EBF3: variants seen among roughly 807,000 people sequenced by gnomAD.
The protein encoded by EBF3 is EBF transcription factor 3.
EBF3 carries 18 observed loss-of-function variants against 77.1 expected under a neutral mutation model. That is an observed-to-expected ratio of 0.23 (90% CI 0.16 to 0.35). EBF3 has a LOEUF of 0.35. EBF3 is among the 10% of genes least tolerant of loss of function. The pLI, the probability that EBF3 is intolerant of heterozygous loss-of-function variation, is 1.00. For synonymous variants in EBF3, 350 were observed against 343.5 expected (o/e 1.02, Z -0.21); for missense variants, 558 against 860.0 (o/e 0.65, Z 4.39).
chr10:129,922,097 C>T (rs1856352756), intron 6 of EBF3, among the ~76,000 whole-genome samples: 1 of 152,210 alleles, frequency 6.6e-6, no homozygotes, highest in Admixed American at 6.5e-5. Flanking sequence ...TGAGGGGTGA[C>T]CAGGCTCATG....
At position 129,870,705 on chromosome 10, in the gene EBF3, G is replaced by A. The variant is rs1361271350; in HGVS notation, c.781+2747C>T. Among the ~76,000 whole-genome samples, 1 of 152,174 alleles carries A rather than the reference G, an allele frequency of 6.6e-6. No homozygotes were observed. Among genetic ancestry groups the A allele is most frequent in the Non-Finnish European group, 1.5e-5 (1 of 68,030 alleles). On this transcript the variant is annotated intron_variant, in intron 8 of 16. Coordinates refer to ENST00000440978, the MANE Select transcript of EBF3 (RefSeq NM_001375380.1). The surrounding 1 kb of genome is among the most constrained non-coding windows in gnomAD (Gnocchi z 4.4). Reference sequence around the variant, plus strand: ...GGGACTGGCTTATCCTGTGGCCAGGGAGCCCAATGGCTGGGATGAGCATGT... The same window carrying A: ...GGGACTGGCTTATCCTGTGGCCAGGAAGCCCAATGGCTGGGATGAGCATGT...
rs368944541 is a variant in EBF3 at position 129,947,789 on chromosome 10, C to T, written c.554+9469G>A. ...AAACATGACCTGCTACCTTGACAAGCTCAGGAGTGAAGGATTTCACTTCTA... is the reference window on the plus strand; with the variant it reads ...AAACATGACCTGCTACCTTGACAAGTTCAGGAGTGAAGGATTTCACTTCTA... On this transcript the variant is annotated intron_variant, in intron 6 of 16. Transcript: ENST00000440978. The surrounding 1 kb of genome is among the most constrained non-coding windows in gnomAD (Gnocchi z 4.5). 1.0e-3 allele frequency among the ~76,000 whole-genome samples: 156 copies of T among 151,582 alleles called. 4 individuals carry two copies. In the South Asian group the frequency reaches 0.022, roughly 21 times the overall value.
chr10:129,913,599 A>G (rs1171419131), intron 6 of EBF3, among the ~76,000 whole-genome samples: 1 of 152,248 alleles, frequency 6.6e-6, no homozygotes, highest in Non-Finnish European at 1.5e-5. Flanking sequence ...GCACCCCCAG[A>G]GCTATGGTTC....
intron 6 of EBF3, among the ~76,000 whole-genome samples, chr10:129,886,371 A>G (rs1853585470): frequency 6.6e-6 from 1 of 152,240 alleles, no homozygotes; most frequent in Non-Finnish European, 1.5e-5. Flanking sequence ...AATGAGGGGC[A>G]CATGTGTGCA....
chr10:129,880,352 GAC>G (rs1353051187), intron 6 of EBF3, among the ~76,000 whole-genome samples: 13 of 139,172 alleles, frequency 9.3e-5, no homozygotes, highest in South Asian at 4.3e-4. Flanking sequence ...CATGCCCACA[GAC>G]ACACATGCCC....
chr10:129,957,360 G>A, intron 5 of EBF3, 34 bp from the exon 6 acceptor site: 1 of 1,537,218 alleles, frequency 6.5e-7, no homozygotes, highest in Non-Finnish European at 8.8e-7. Flanking sequence ...GTTTTAATAT[G>A]CATTTCCCCC....
intron 3 of EBF3, 29 bp downstream of exon 3, chr10:129,962,913 G>A: frequency 6.2e-7 from 1 of 1,613,076 alleles, no homozygotes; most frequent in Non-Finnish European, 8.5e-7. Context: ...AGCCGCTGCA[G>A]GGGCGGCGAG....
At chr10:129,851,764 T>C (rs1850900398) in intron 10 of EBF3, among the ~76,000 whole-genome samples, 1 of 152,228 alleles carries the variant, frequency 6.6e-6, no homozygotes, top group African/African-American at 2.4e-5. Context: ...ATTACAAGGC[T>C]GTTGTATCAA....
At chr10:129,929,586 G>A (rs1856875507) in intron 6 of EBF3, among the ~76,000 whole-genome samples, 1 of 152,180 alleles carries the variant, frequency 6.6e-6, no homozygotes, top group Non-Finnish European at 1.5e-5. Context: ...AATAGAATTT[G>A]GAGCAAGGAC....
At position 129,905,411 on chromosome 10, in the gene EBF3, C is replaced by A. The variant is rs536232046; in HGVS notation, c.555-27562G>T. ...TTTTGGCTATATGAAGGAAAAAATT[C>A]TTTCTTATATTTTATATTATAAAAA... On this transcript the variant is annotated intron_variant, in intron 6 of 16. Transcript: ENST00000440978. Among the ~76,000 whole-genome samples, 9 of 149,612 alleles carry A rather than the reference C, an allele frequency of 6.0e-5. No homozygotes were observed. The East Asian group carries it at 9.6e-4, about 16-fold the overall frequency.
At chr10:129,962,048 A>C (rs771445339) in intron 4 of EBF3, 123 bp downstream of exon 4, 9 of 838,538 alleles carry the variant, frequency 1.1e-5, no homozygotes, top group Non-Finnish European at 1.8e-5. Context: ...TCTCATTAGC[A>C]TGTCAAGGAA....
chr10:129,963,866 G>A lies in EBF3; in HGVS notation c.-98C>T, dbSNP rs1412692017. Reference sequence around the variant, plus strand: ...GCAGGCGGCTGCCCTGGCCGCCCTCGCCCTGCTCGGCGCCTGCGGTCCGGC... The same window carrying A: ...GCAGGCGGCTGCCCTGGCCGCCCTCACCCTGCTCGGCGCCTGCGGTCCGGC... On this transcript the variant is annotated 5_prime_UTR_variant, in exon 1 of 17. Transcript: ENST00000440978. This position sits in a 1 kb window ranked among gnomAD's most constrained non-coding sequence, Gnocchi z 7.1. 4 of 1,275,690 alleles carry A rather than the reference G, an allele frequency of 3.1e-6. No homozygotes were observed. Among genetic ancestry groups the A allele is most frequent in the Non-Finnish European group, 3.0e-6 (3 of 1,004,202 alleles). 79.0% of individuals were successfully genotyped at this position (1,275,690 alleles called of 1,614,324 possible). A position where few individuals can be genotyped will look rare whatever the true frequency, so the allele number is the denominator to read the frequency against.
At chr10:129,876,345 G>A (rs1307495397) in intron 7 of EBF3, among the ~76,000 whole-genome samples, 4 of 152,218 alleles carry the variant, frequency 2.6e-5, no homozygotes, top group African/African-American at 9.6e-5. Context: ...TTCAGTCATT[G>A]GTGAGACAAA....
rs772614493 is a variant in EBF3 at position 129,840,996 on chromosome 10, C to T, written c.1409G>A (p.Arg470Gln). The T allele has an allele frequency of 6.2e-6, 10 of 1,604,082 alleles. No homozygotes were observed. The highest frequency in any genetic ancestry group is 2.2e-5 in the East Asian group (1 of 44,528). The change falls in exon 14 of 17, where the codon CGA becomes CAA. Residue 470 changes from arginine (R) to glutamine (Q), a missense_variant. Transcript: ENST00000440978. ...YSRNTSSVSP[R>Q]GYVPSSTPQQ... ...GGGAGTACTGCTGGGGACGTAGCCT[C>T]GCGGGGACACGCTGCTTGTATTGCG...
chr10:129,934,210 G>T (rs1857208226), intron 6 of EBF3, among the ~76,000 whole-genome samples: 1 of 151,740 alleles, frequency 6.6e-6, no homozygotes, highest in African/African-American at 2.4e-5. Context: ...TCCATTGCCT[G>T]AAGACATGCC....
At position 129,897,802 on chromosome 10, in the gene EBF3, G is replaced by A. The variant is rs564468650; in HGVS notation, c.555-19953C>T. On this transcript the variant is annotated intron_variant, in intron 6 of 16. Transcript: ENST00000440978. The surrounding 1 kb of genome is among the most constrained non-coding windows in gnomAD (Gnocchi z 4.6). The stretch of plus-strand genomic sequence containing the variant: ...CTTACTTTCCTACATTTATCGTGAC[G>A]GGGCCACTTGTGGGTATGCGAGTAC... Among the ~76,000 whole-genome samples the A allele has an allele frequency of 7.0e-4, 107 of 152,272 alleles. No homozygotes were observed. The highest frequency in any genetic ancestry group is 3.4e-3 in the Middle Eastern group (1 of 294).
rs530274212 is a variant in EBF3, at chr10:129,866,842, G to C, written c.1039+299C>G. Among the ~76,000 whole-genome samples, 16 of 152,310 alleles carry C rather than the reference G, an allele frequency of 1.1e-4. No individual in the cohort carries two copies. In the East Asian group the frequency reaches 3.1e-3, roughly 29 times the overall value. ...CAGCTGCCGCAGTGGTAGCTGGGTG[G>C]CTGTTGTTCCTAATGACTCCCCCTG... On this transcript the variant is annotated intron_variant, in intron 10 of 16. Coordinates refer to ENST00000440978, the MANE Select transcript of EBF3 (RefSeq NM_001375380.1).
rs546198240 is a variant in EBF3 at position 129,863,525 on chromosome 10, G to A, written c.1039+3616C>T. Among the ~76,000 whole-genome samples, 1 of 152,328 alleles carries A rather than the reference G, an allele frequency of 6.6e-6. No homozygotes were observed. The highest frequency in any genetic ancestry group is 1.9e-4 in the East Asian group (1 of 5,174). On this transcript the variant is annotated intron_variant, in intron 10 of 16. Transcript: ENST00000440978. The surrounding 1 kb of genome is among the most constrained non-coding windows in gnomAD (Gnocchi z 4.0). ...GCCTCTGGCGGGCGGCCCCTCCTCT[G>A]AGCACAGGTTCATTAGCCCTCCGCC...
In EBF3 at chr10:129,870,486, C is replaced by T. The variant is rs1852329761; in HGVS notation, c.782-2574G>A. On this transcript the variant is annotated intron_variant, in intron 8 of 16. Transcript: ENST00000440978. The surrounding 1 kb of genome is among the most constrained non-coding windows in gnomAD (Gnocchi z 4.4). Reference sequence around the variant, plus strand: ...TCCTGGTCTGCAGCTTTCAGCGTGGCCCACCCTCCTGGGGCCCCGAGCTGC... The same window carrying T: ...TCCTGGTCTGCAGCTTTCAGCGTGGTCCACCCTCCTGGGGCCCCGAGCTGC... Among the ~76,000 whole-genome samples, 2 of 152,014 alleles carry T rather than the reference C, an allele frequency of 1.3e-5. No individual in the cohort carries two copies. Among genetic ancestry groups the T allele is most frequent in the South Asian group, 4.1e-4 (2 of 4,822 alleles).
Sources: gnomAD v4.1 joint callset for allele counts (sites outside exome capture counted in the v4.1 genomes callset) on GRCh38, gnomAD v4.1.1 for gene constraint, Gnocchi (gnomAD v3.1) non-coding constraint, MANE v1.5 for transcripts, NCBI Gene and HGNC (gene_info 2026-07-23, HGNC 2026-07-21) for gene names.